Variants in MRPS31 observed in about 807,000 individuals in gnomAD.
The protein encoded by MRPS31 is mitochondrial ribosomal protein S31, also known as small ribosomal subunit protein mS31.
MRPS31 carries 32 observed loss-of-function variants against 43.1 expected under a neutral mutation model. That is an observed-to-expected ratio of 0.74 (90% CI 0.56 to 1.00). The LOEUF (loss-of-function observed/expected upper bound fraction) is 1.00. Among genes scored for constraint, MRPS31 ranks in the 50% least tolerant of loss-of-function variants. The probability of loss-of-function intolerance (pLI) is 0.00; values close to 1 mark genes in which losing one functional copy is unlikely to be tolerated. For synonymous variants in MRPS31, 165 were observed against 161.6 expected (o/e 1.02, Z -0.16); for missense variants, 437 against 466.7 (o/e 0.94, Z 0.59).
At chr13:40,755,703 T>A (rs1295413407) in intron 4 of MRPS31, among the ~76,000 whole-genome samples, 2 of 152,174 alleles carry the variant, frequency 1.3e-5, no homozygotes, top group African/African-American at 2.4e-5. Context: ...CACCATTGCT[T>A]CCCCTTACTC....
Position 40,749,120 on chromosome 13 carries a change from C to T in MRPS31, c.958+18G>A, listed in dbSNP as rs1880317681. The stretch of plus-strand genomic sequence containing the variant: ...TCTCAATCAATACGTTTTATAATCC[C>T]CTGAAATTAACACTTACCTGCTTCA... On this transcript the variant is annotated intron_variant, in intron 6 of 6. Coordinates refer to ENST00000323563, the MANE Select transcript of MRPS31 (RefSeq NM_005830.4). 3 of 1,581,194 alleles carry T rather than the reference C, an allele frequency of 1.9e-6. No homozygotes were observed. Among genetic ancestry groups the T allele is most frequent in the East Asian group, 4.7e-5 (2 of 42,814 alleles).
chr13:40,766,084 T>C (rs1880836207), intron 2 of MRPS31, among the ~76,000 whole-genome samples: 1 of 152,206 alleles, frequency 6.6e-6, no homozygotes, highest in African/African-American at 2.4e-5. Context: ...TTACAGACAT[T>C]AAGCTACCTT....
intron 2 of MRPS31, among the ~76,000 whole-genome samples, chr13:40,765,831 C>T (rs1165643969): frequency 6.6e-6 from 1 of 152,096 alleles, no homozygotes; most frequent in Non-Finnish European, 1.5e-5. Context: ...TTACATAGCA[C>T]TAAAAAAAAT....
intron 5 of MRPS31, among the ~76,000 whole-genome samples, chr13:40,752,625 C>A (rs562495093): frequency 5.3e-5 from 8 of 152,250 alleles, no homozygotes; most frequent in Non-Finnish European, 1.5e-5. Context: ...TGAGATATAG[C>A]CCCTAATAGT....
chr13:40,731,445 G>A (rs1593439562), intron 6 of MRPS31, among the ~76,000 whole-genome samples: 1 of 151,546 alleles, frequency 6.6e-6, no homozygotes, highest in South Asian at 2.1e-4. Context: ...AGCTGGGCAC[G>A]GTGGCATGTG....
intron 5 of MRPS31, among the ~76,000 whole-genome samples, chr13:40,749,922 T>C (rs941858801): frequency 6.6e-6 from 1 of 152,210 alleles, no homozygotes; most frequent in Non-Finnish European, 1.5e-5. Context: ...GCTGGGAACA[T>C]AAAATGGTAC....
At chr13:40,756,620 T>G (rs1393874749) in intron 4 of MRPS31, among the ~76,000 whole-genome samples, 1 of 152,204 alleles carries the variant, frequency 6.6e-6, no homozygotes, top group Non-Finnish European at 1.5e-5. Context: ...AAAGGACCCC[T>G]ATTCATCGTG....
At chr13:40,753,998 A>G (rs768434536) in intron 5 of MRPS31, 21 bp downstream of exon 5, 75 of 1,449,048 alleles carry the variant, frequency 5.2e-5, no homozygotes, top group Non-Finnish European at 7.2e-5. Context: ...CACCTGAGAA[A>G]GAGTGTTATT....
At chr13:40,747,563 G>T (rs1378856486) in intron 6 of MRPS31, among the ~76,000 whole-genome samples, 4 of 152,124 alleles carry the variant, frequency 2.6e-5, no homozygotes. Flanking sequence ...AACACAGTAT[G>T]CTATATTATT....
Position 40,771,108 on chromosome 13 carries a change from G to A in MRPS31, c.29C>T (p.Pro10Leu), listed in dbSNP as rs745589744. Residue 10 changes from proline to leucine, a missense_variant, in exon 1 of 7, where the codon CCT becomes CTT. Transcript: ENST00000323563. ...AGGGTGGCGGGAAAGGGGGCGAAGA[G>A]GTAGGAACGTCGAGACTCTAGGAAA... The part of the protein sequence containing the change: MFPRVSTFL[P>L]LRPLSRHPLS... 2.5e-6 allele frequency: 4 copies of A among 1,613,260 alleles called. No homozygotes were observed. Among genetic ancestry groups the A allele is most frequent in the African/African-American group, 1.3e-5 (1 of 74,994 alleles).
At chr13:40,746,541 C>T (rs747668531) in intron 6 of MRPS31, among the ~76,000 whole-genome samples, 21 of 152,086 alleles carry the variant, frequency 1.4e-4, no homozygotes, top group Non-Finnish European at 1.2e-4. Context: ...ACATGTTTCT[C>T]TCCTTTTTTA....
chr13:40,756,487 G>A (rs1253121601), intron 4 of MRPS31, among the ~76,000 whole-genome samples: 3 of 152,180 alleles, frequency 2.0e-5, no homozygotes, highest in African/African-American at 4.8e-5. Flanking sequence ...AGATAAGCAC[G>A]TATTGAGATA....
At chr13:40,748,281 C>G (rs1880295303) in intron 6 of MRPS31, among the ~76,000 whole-genome samples, 1 of 152,142 alleles carries the variant, frequency 6.6e-6, no homozygotes, top group Non-Finnish European at 1.5e-5. Context: ...CCTCAACCTC[C>G]TGAATAGCTG....
At chr13:40,729,972 T>C (rs1301210691) in intron 6 of MRPS31, among the ~76,000 whole-genome samples, 1 of 151,766 alleles carries the variant, frequency 6.6e-6, no homozygotes, top group Non-Finnish European at 1.5e-5. Context: ...TCAAGTTATC[T>C]GCCCGCCTCG....
chr13:40,762,729 AC>A (rs202203874), intron 2 of MRPS31, among the ~76,000 whole-genome samples: 2,625 of 148,026 alleles, frequency 0.018, 77 homozygotes, highest in African/African-American at 0.062. Flanking sequence ...GCCTGGCCCA[AC>A]TCCATCACTC....
At chr13:40,739,737 T>C (rs931329689) in intron 6 of MRPS31, among the ~76,000 whole-genome samples, 1 of 151,118 alleles carries the variant, frequency 6.6e-6, no homozygotes, top group African/African-American at 2.4e-5. Flanking sequence ...GCTAGCCATA[T>C]GTAGAAAGCT....
intron 6 of MRPS31, among the ~76,000 whole-genome samples, chr13:40,743,562 A>G (rs1200602014): frequency 2.0e-5 from 3 of 152,212 alleles, no homozygotes; most frequent in Non-Finnish European, 4.4e-5. Flanking sequence ...GACACTTCTC[A>G]AAAGAAGACA....
At chr13:40,769,140 G>A (rs1334838979) in intron 1 of MRPS31, among the ~76,000 whole-genome samples, 1 of 151,832 alleles carries the variant, frequency 6.6e-6, no homozygotes. Context: ...CAGTTTGGGA[G>A]GCGGAGGTGG....
At chr13:40,759,147 A>G in intron 2 of MRPS31, 41 bp from the exon 3 acceptor site, 1 of 1,509,924 alleles carries the variant, frequency 6.6e-7, no homozygotes, top group Non-Finnish European at 8.9e-7. Flanking sequence ...AGAAAAAAAA[A>G]GAGAGATTGG....
Sources: allele counts gnomAD v4.1 joint callset (sites outside exome capture counted in the v4.1 genomes callset), GRCh38; gene constraint gnomAD v4.1.1; transcripts MANE v1.5; gene names NCBI Gene and HGNC (gene_info 2026-07-23, HGNC 2026-07-21).